Variants in SULT1C2 observed in about 807,000 individuals in gnomAD.
The protein encoded by SULT1C2 is sulfotransferase family 1C member 2, also known as sulfotransferase 1C2.
Under a neutral mutation model 36.0 loss-of-function variants are expected in SULT1C2, and 27 were observed. The ratio of observed to expected loss-of-function variants is 0.75; its 90% CI spans 0.55 to 1.03. SULT1C2 has a LOEUF of 1.03. SULT1C2 is among the 50% of genes least tolerant of loss of function. The probability of loss-of-function intolerance (pLI) is 0.00; values close to 1 mark genes in which losing one functional copy is unlikely to be tolerated. For synonymous variants in SULT1C2, 121 were observed against 116.0 expected (o/e 1.04, Z -0.27); for missense variants, 395 against 359.2 (o/e 1.10, Z -0.80).
chr2:108,305,735 A>T, intron 7 of SULT1C2, 140 bp downstream of exon 7: 1 of 1,118,316 alleles, frequency 8.9e-7, no homozygotes. Context: ...AAAACCAGGG[A>T]TTTGATCCTG....
At chr2:108,294,569 G>A (rs1025201001) in intron 3 of SULT1C2, among the ~76,000 whole-genome samples, 5 of 138,430 alleles carry the variant, frequency 3.6e-5, no homozygotes, top group African/African-American at 1.1e-4. Context: ...TTTACCAAAA[G>A]TGAATCACCA....
In SULT1C2 at chr2:108,293,656, C is replaced by A; in HGVS notation, c.-12C>A. The A allele has an allele frequency of 1.2e-6, 2 of 1,604,822 alleles. No individual in the cohort carries two copies. The highest frequency in any genetic ancestry group is 1.7e-6 in the Non-Finnish European group (2 of 1,175,748). On this transcript the variant is annotated 5_prime_UTR_variant, in exon 2 of 8. Transcript: ENST00000251481. ...TATTCTTTTCCCATAGGGACCCCAA[C>A]CCTGAGACACTATGGCCCTGACCTC...
At chr2:108,297,634 G>A (rs1320622549) in intron 3 of SULT1C2, among the ~76,000 whole-genome samples, 1 of 152,076 alleles carries the variant, frequency 6.6e-6, no homozygotes, top group Non-Finnish European at 1.5e-5. Flanking sequence ...AGCAACCATC[G>A]TGGTATTCCT....
chr2:108,307,112 G>A, intron 7 of SULT1C2, among the ~76,000 whole-genome samples: 1 of 152,084 alleles, frequency 6.6e-6, no homozygotes, highest in East Asian at 1.9e-4. Flanking sequence ...GATTTTGCAT[G>A]TGCTTGAATT....
intron 7 of SULT1C2, among the ~76,000 whole-genome samples, chr2:108,306,878 C>A (rs183404105): frequency 1.3e-5 from 2 of 152,084 alleles, no homozygotes; most frequent in Non-Finnish European, 2.9e-5. Context: ...TGTACTCCAG[C>A]CTGGTGACAA....
intron 3 of SULT1C2, 126 bp downstream of exon 3, chr2:108,294,480 T>TCTCCCTCCCTCTCTCCTTCCTCTTCTCC: frequency 2.1e-6 from 2 of 960,318 alleles, no homozygotes; most frequent in Non-Finnish European, 3.0e-6. Flanking sequence ...TCCTCTTCTC[T>TCTCCCTCCCTCTCTCCTTCCTCTTCTCC]TTCTCTCTCA....
At chr2:108,299,096 C>T (rs999426336) in intron 3 of SULT1C2, 1 of 152,806 alleles carries the variant, frequency 6.5e-6, no homozygotes, top group Non-Finnish European at 1.5e-5. Context: ...TTGAGTTTCT[C>T]CGGCTAATGC....
chr2:108,305,398 T>C lies in SULT1C2; in HGVS notation c.598-17T>C, dbSNP rs377229600. ...GATACTCTCATTCATTCCAGTCCAATGTTACCCTTGCCGCAGGACCCAAAG... is the reference window on the plus strand; with the variant it reads ...GATACTCTCATTCATTCCAGTCCAACGTTACCCTTGCCGCAGGACCCAAAG... On this transcript the variant is annotated splice_polypyrimidine_tract_variant and intron_variant, in intron 6 of 7. Transcript: ENST00000251481. 58 of 1,613,312 alleles carry C rather than the reference T, an allele frequency of 3.6e-5. No individual in the cohort carries two copies. In the African/African-American group the frequency reaches 5.6e-4, roughly 16 times the overall value.
chr2:108,307,292 C>T (rs1677048940), intron 7 of SULT1C2, among the ~76,000 whole-genome samples: 1 of 152,302 alleles, frequency 6.6e-6, no homozygotes. Context: ...CAGACTCACA[C>T]AGACACAAAG....
intron 5 of SULT1C2, 50 bp from the exon 6 acceptor site, chr2:108,305,122 G>C: frequency 1.2e-6 from 2 of 1,605,232 alleles, no homozygotes; most frequent in Non-Finnish European, 1.7e-6. Context: ...TACTCAGAAG[G>C]TTTTGTGTGA....
At position 108,294,366 on chromosome 2, in the gene SULT1C2, T is replaced by C; in HGVS notation, c.277+12T>C. The C allele has an allele frequency of 1.9e-6, 3 of 1,591,478 alleles. No individual in the cohort carries two copies. Among genetic ancestry groups the C allele is most frequent in the Non-Finnish European group, 2.6e-6 (3 of 1,168,820 alleles). On this transcript the variant is annotated intron_variant, in intron 3 of 7. Coordinates refer to ENST00000251481, the MANE Select transcript of SULT1C2 (RefSeq NM_001056.4). ...ACCCCAACCTTCTGGTGAGAGCACC[T>C]CCCTCTTTCTCTCTTCCTGCTTTCT... is the stretch of plus-strand genomic sequence containing the variant.
rs977810689 is a variant in SULT1C2, at chr2:108,308,436, C to G, written c.863C>G (p.Thr288Ser). Reference sequence around the variant, plus strand: ...ATCTATAGAAGAAAGATGGAAGGAACCTCCATAAACTTCTGCATGGAACTC... The same window carrying G: ...ATCTATAGAAGAAAGATGGAAGGAAGCTCCATAAACTTCTGCATGGAACTC... ...DEIYRRKMEG[T>S]SINFCMEL Residue 288 changes from threonine to serine, a missense_variant, in exon 8 of 8, where the codon ACC becomes AGC. Transcript: ENST00000251481. 5.0e-6 allele frequency: 8 copies of G among 1,612,134 alleles called. No homozygotes were observed. Among genetic ancestry groups the G allele is most frequent in the African/African-American group, 1.3e-5 (1 of 74,764 alleles).
At chr2:108,307,625 G>A (rs1272978527) in intron 7 of SULT1C2, among the ~76,000 whole-genome samples, 1 of 152,102 alleles carries the variant, frequency 6.6e-6, no homozygotes, top group Admixed American at 6.6e-5. Flanking sequence ...GTATTGGTGG[G>A]GAAAAGAGAA....
chr2:108,297,622 T>C (rs774305090), intron 3 of SULT1C2, among the ~76,000 whole-genome samples: 1 of 152,192 alleles, frequency 6.6e-6, no homozygotes, highest in African/African-American at 2.4e-5. Flanking sequence ...ACCCTGAGTC[T>C]GAGCAACCAT....
At chr2:108,299,928 C>T (rs1676830945) in intron 3 of SULT1C2, 3 of 152,222 alleles carry the variant, frequency 2.0e-5, no homozygotes, top group Non-Finnish European at 4.4e-5. Flanking sequence ...CTAACTTGAC[C>T]CAGCTCCTCT....
chr2:108,301,787 T>C (rs1573252105), intron 4 of SULT1C2: 1 of 152,212 alleles, frequency 6.6e-6, no homozygotes, highest in Non-Finnish European at 1.5e-5. Context: ...GAAGTGGCTG[T>C]AGAGCAGGTG....
intron 3 of SULT1C2, chr2:108,299,784 T>C (rs1676826983): frequency 6.6e-6 from 1 of 152,176 alleles, no homozygotes; most frequent in Admixed American, 6.5e-5. Context: ...TACATCTACA[T>C]TCAAAATAAC....
In SULT1C2 at chr2:108,308,681, T is replaced by C; in HGVS notation, c.*217T>C. 1 of 486,968 alleles carries C rather than the reference T, an allele frequency of 2.1e-6. No homozygotes were observed. The highest frequency in any genetic ancestry group is 3.6e-6 in the Non-Finnish European group (1 of 278,542). The allele number at this position is 486,968 out of a possible 1,614,324, so 30.2% of individuals were successfully genotyped here. ...CCCAACTATTCTTTCCAAAGTAAGA[T>C]ATAAGGTAGCTTAATAAACTAAGTA... On this transcript the variant is annotated 3_prime_UTR_variant, in exon 8 of 8. Coordinates refer to ENST00000251481, the MANE Select transcript of SULT1C2 (RefSeq NM_001056.4).
chr2:108,304,738 C>T (rs746058971), intron 5 of SULT1C2, 38 bp downstream of exon 5: 55 of 1,584,432 alleles, frequency 3.5e-5, no homozygotes, highest in Non-Finnish European at 3.3e-5. Flanking sequence ...ATTCTCACTC[C>T]AGCTAGGCTG....
Sources: gnomAD v4.1 joint callset for allele counts (sites outside exome capture counted in the v4.1 genomes callset) on GRCh38, gnomAD v4.1.1 for gene constraint, MANE v1.5 for transcripts, NCBI Gene and HGNC (gene_info 2026-07-23, HGNC 2026-07-21) for gene names.